The following NCSTN variants were observed in gnomAD, a reference collection of about 807,000 sequenced individuals.
NCSTN encodes the protein nicastrin.
Under a neutral mutation model 87.0 loss-of-function variants are expected in NCSTN, and 22 were observed. The ratio of observed to expected loss-of-function variants is 0.25; its 90% CI spans 0.18 to 0.36. The LOEUF (loss-of-function observed/expected upper bound fraction) is 0.36. Ranked by LOEUF, NCSTN falls within the 10% of genes least tolerant of loss-of-function variation. The probability of loss-of-function intolerance (pLI) is 1.00; values close to 1 mark genes in which losing one functional copy is unlikely to be tolerated. For synonymous variants in NCSTN, 306 were observed against 327.1 expected (o/e 0.94, Z 0.69); for missense variants, 693 against 883.3 (o/e 0.78, Z 2.73).
intron 3 of NCSTN, 54 bp downstream of exon 3, chr1:160,349,176 G>C (rs1648693861): frequency 6.2e-7 from 1 of 1,608,634 alleles, no homozygotes; most frequent in South Asian, 1.1e-5. Context: ...AAGTTTCAGT[G>C]AACAGTCCTC....
chr1:160,349,073 G>A lies in NCSTN; in HGVS notation c.265G>A (p.Gly89Ser). Residue 89 changes from glycine (G) to serine (S), a missense_variant, in exon 3 of 17, where the codon GGC (glycine) becomes AGC (serine). By Grantham distance (56) the Gly-to-Ser change is moderately conservative. Transcript: ENST00000294785. ...GGACCTACAGTGGGTATTGACTGAT[G>A]GCCCCAACCCCCCTTACATGGTTCT... Reference protein sequence around the residue: ...EEDLQWVLTDGPNPPYMVLLE... With the variant: ...EEDLQWVLTDSPNPPYMVLLE... 1 of 1,614,128 alleles carries A rather than the reference G, an allele frequency of 6.2e-7. No individual in the cohort carries two copies. The highest frequency in any genetic ancestry group is 8.5e-7 in the Non-Finnish European group (1 of 1,180,004).
Position 160,344,590 on chromosome 1 carries a change from A to G in NCSTN, c.86-132A>G, listed in dbSNP as rs866399325. 4 of 1,552,932 alleles carry G rather than the reference A, an allele frequency of 2.6e-6. No homozygotes were observed. The African/African-American group carries it at 4.1e-5, about 16-fold the overall frequency. On this transcript the variant is annotated intron_variant, in intron 1 of 16. Transcript: ENST00000294785. ...AGTGTGTGCCCAAGAAATCAGAAGA[A>G]TGGACTTTAATCTCATTTTAGAAAG...
At chr1:160,349,353 C>T in intron 3 of NCSTN, 196 bp from the exon 4 acceptor site, 2 of 953,140 alleles carry the variant, frequency 2.1e-6, no homozygotes, top group East Asian at 2.5e-5. Context: ...CCCTCCCTCC[C>T]TGGGGTCCTT....
rs542822098 is a variant in NCSTN, at chr1:160,350,329, G to A, written c.582+79G>A. 183 of 1,546,220 alleles carry A rather than the reference G, an allele frequency of 1.2e-4. No homozygotes were observed. In the East Asian group the frequency reaches 1.7e-3, roughly 14 times the overall value. On this transcript the variant is annotated intron_variant, in intron 5 of 16. Transcript: ENST00000294785. The stretch of plus-strand genomic sequence containing the variant: ...TAGCCAGGTGTGGTGGTGTGTGCAC[G>A]TAGTCCCAGCCACCCGGGAGGCTGA...
In NCSTN at chr1:160,348,984, A is replaced by T; in HGVS notation, c.191-15A>T. 1.9e-6 allele frequency: 3 copies of T among 1,614,186 alleles called. No individual in the cohort carries two copies. The highest frequency in any genetic ancestry group is 2.5e-6 in the Non-Finnish European group (3 of 1,180,016). Reference sequence around the variant, plus strand: ...AACTATGGGAGCTTTAATTTGACTCATTCTGTCCTGGCAGCTTCAATTAGT... The same window carrying T: ...AACTATGGGAGCTTTAATTTGACTCTTTCTGTCCTGGCAGCTTCAATTAGT... On this transcript the variant is annotated splice_polypyrimidine_tract_variant and intron_variant, in intron 2 of 16. Transcript: ENST00000294785.
intron 11 of NCSTN, among the ~76,000 whole-genome samples, chr1:160,354,889 C>T (rs1649052175): frequency 6.6e-6 from 1 of 152,144 alleles, no homozygotes; most frequent in African/African-American, 2.4e-5. Context: ...GCCAAGCTTC[C>T]CGAGGGCCAA....
At position 160,354,644 on chromosome 1, in the gene NCSTN, A is replaced by T. The variant is rs570380385; in HGVS notation, c.1352+354A>T. Among the ~76,000 whole-genome samples, 71 of 152,276 alleles carry T rather than the reference A, an allele frequency of 4.7e-4. 2 individuals carry two copies. Among genetic ancestry groups the T allele is most frequent in the African/African-American group, 1.6e-3 (68 of 41,552 alleles). On this transcript the variant is annotated intron_variant, in intron 11 of 16. Transcript: ENST00000294785. ...ATGGTGGGGGCCCTTTGGCTAGAAGACAGAAAGCAGTCCTTCTCTGGAACT... is the reference window on the plus strand; with the variant it reads ...ATGGTGGGGGCCCTTTGGCTAGAAGTCAGAAAGCAGTCCTTCTCTGGAACT...
At chr1:160,344,490 G>A (rs1461678695) in intron 1 of NCSTN, 18 of 1,537,234 alleles carry the variant, frequency 1.2e-5, no homozygotes, top group Non-Finnish European at 1.5e-5. Context: ...ACTGTCAATG[G>A]CGCTACATGG....
chr1:160,351,856 G>A (rs762074777), intron 7 of NCSTN, 51 bp downstream of exon 7: 6 of 1,505,724 alleles, frequency 4.0e-6, no homozygotes, highest in Non-Finnish European at 4.6e-6. Flanking sequence ...AAAAAGAGCT[G>A]GTAGGCCCCG....
intron 8 of NCSTN, 127 bp downstream of exon 8, chr1:160,352,333 G>A: frequency 9.2e-7 from 1 of 1,081,844 alleles, no homozygotes; most frequent in Non-Finnish European, 1.4e-6. Flanking sequence ...GCTTCTGGAT[G>A]TGTCTACATG....
At chr1:160,356,521 C>T (rs1162526734) in intron 14 of NCSTN, 79 bp from the exon 15 acceptor site, 2 of 1,572,528 alleles carry the variant, frequency 1.3e-6, no homozygotes, top group Non-Finnish European at 1.7e-6. Context: ...TTCTTTCTGG[C>T]TGCTGCCAAT....
chr1:160,346,440 A>T (rs574768227), intron 2 of NCSTN, among the ~76,000 whole-genome samples: 17 of 152,330 alleles, frequency 1.1e-4, no homozygotes, highest in Admixed American at 4.6e-4. Context: ...GAAAACTGGG[A>T]CACTGAGAAG....
At chr1:160,349,429 G>A (rs1648708674) in intron 3 of NCSTN, 120 bp from the exon 4 acceptor site, 15 of 1,382,248 alleles carry the variant, frequency 1.1e-5, no homozygotes. Context: ...GACTGAAAGG[G>A]AAGAAATAAG....
At chr1:160,357,845 G>A (rs191092679) in intron 16 of NCSTN, among the ~76,000 whole-genome samples, 48 of 152,264 alleles carry the variant, frequency 3.2e-4, no homozygotes, top group Admixed American at 2.7e-3. Flanking sequence ...CTAATGTACC[G>A]AGCTCCTGTC....
chr1:160,344,076 G>A (rs1648297665), intron 1 of NCSTN, among the ~76,000 whole-genome samples: 1 of 150,648 alleles, frequency 6.6e-6, no homozygotes, highest in Non-Finnish European at 1.5e-5. Flanking sequence ...ATGTACTTAA[G>A]TGTTTGCTGA....
intron 10 of NCSTN, chr1:160,353,645 C>G (rs1276847702): frequency 1.7e-6 from 2 of 1,177,722 alleles, no homozygotes; most frequent in Non-Finnish European, 2.1e-6. Flanking sequence ...TCCCTTCCCT[C>G]TAGGTCCACC....
intron 2 of NCSTN, among the ~76,000 whole-genome samples, chr1:160,347,363 A>G (rs1360268024): frequency 6.6e-6 from 1 of 152,332 alleles, no homozygotes; most frequent in East Asian, 1.9e-4. Flanking sequence ...TAGACGCTTT[A>G]AAGTTCTCAA....
Position 160,355,859 on chromosome 1 carries a change from A to C in NCSTN, c.1456-4A>C. The C allele has an allele frequency of 6.2e-7, 1 of 1,613,874 alleles. No individual in the cohort carries two copies. Among genetic ancestry groups the C allele is most frequent in the Non-Finnish European group, 8.5e-7 (1 of 1,179,766 alleles). ...CCATTCAGCCCCCTCCTCACCTACC[A>C]CAGGCCCTGGCAGATGTGGCCACGG... On this transcript the variant is annotated splice_polypyrimidine_tract_variant and splice_region_variant and intron_variant, in intron 12 of 16. Transcript: ENST00000294785.
At chr1:160,349,441 C>T (rs1301281581) in intron 3 of NCSTN, 108 bp from the exon 4 acceptor site, 4 of 1,436,568 alleles carry the variant, frequency 2.8e-6, no homozygotes, top group Non-Finnish European at 2.9e-6. Flanking sequence ...AGAAATAAGT[C>T]AACAGTTTGA....
Sources: allele counts gnomAD v4.1 joint callset (sites outside exome capture counted in the v4.1 genomes callset), GRCh38; gene constraint gnomAD v4.1.1; transcripts MANE v1.5; gene names NCBI Gene and HGNC (gene_info 2026-07-23, HGNC 2026-07-21).